Variants in NRXN3 observed in about 807,000 individuals in gnomAD.
NRXN3 encodes neurexin 3.
A neutral mutation model predicts 137.6 loss-of-function variants in NRXN3; 32 were observed. That is an observed-to-expected ratio of 0.23 (90% CI 0.18 to 0.31). The LOEUF is 0.31. NRXN3 is among the 10% of genes least tolerant of loss of function. The pLI, the probability that NRXN3 is intolerant of heterozygous loss-of-function variation, is 1.00. For missense variants in NRXN3, 1,574 were observed against 2,062.5 expected (o/e 0.76, Z 4.59); for synonymous variants, 798 against 784.5 (o/e 1.02, Z -0.29).
chr14:79,407,496 G>A (rs1213484781), intron 15 of NRXN3, among the ~76,000 whole-genome samples: 1 of 152,030 alleles, frequency 6.6e-6, no homozygotes, highest in Non-Finnish European at 1.5e-5. Context: ...TAACTGTTTG[G>A]GTTTAAATGA....
intron 4 of NRXN3, chr14:78,526,705 A>C (rs1220403114): frequency 3.9e-6 from 2 of 512,718 alleles, no homozygotes; most frequent in Non-Finnish European, 7.8e-6. Flanking sequence ...ACTTTCGTGC[A>C]TTATTATCTT....
intron 16 of NRXN3, among the ~76,000 whole-genome samples, chr14:79,522,700 C>A (rs1475148168): frequency 1.3e-5 from 2 of 152,108 alleles, no homozygotes; most frequent in Non-Finnish European, 2.9e-5. Flanking sequence ...CATTTCCTTC[C>A]TTAGCTGTTC....
chr14:78,566,243 G>A (rs370460863), intron 4 of NRXN3, among the ~76,000 whole-genome samples: 4 of 152,102 alleles, frequency 2.6e-5, no homozygotes, highest in African/African-American at 7.2e-5. Context: ...AGCCCAGAAG[G>A]GCCAAATGGT....
intron 4 of NRXN3, among the ~76,000 whole-genome samples, chr14:78,604,394 CT>C (rs1233041922): frequency 6.6e-6 from 1 of 151,392 alleles, no homozygotes; most frequent in African/African-American, 2.4e-5. Context: ...TCCCTAAATA[CT>C]TACGGTATCA....
At chr14:79,387,702 G>A (rs568313457) in intron 15 of NRXN3, among the ~76,000 whole-genome samples, 1 of 151,674 alleles carries the variant, frequency 6.6e-6, no homozygotes, top group Non-Finnish European at 1.5e-5. Context: ...TTGGAACCAA[G>A]CCAAATGTCC....
intron 10 of NRXN3, among the ~76,000 whole-genome samples, chr14:78,884,133 G>T (rs1212287852): frequency 6.6e-6 from 1 of 151,956 alleles, no homozygotes; most frequent in Non-Finnish European, 1.5e-5. Flanking sequence ...TCTCCTAATG[G>T]TTTCTAATTG....
intron 10 of NRXN3, among the ~76,000 whole-genome samples, chr14:78,956,136 A>G (rs558868212): frequency 6.6e-6 from 1 of 152,228 alleles, no homozygotes; most frequent in South Asian, 2.1e-4. Context: ...TTTCCTAGTC[A>G]TTTTCAGGAA....
At chr14:79,762,762 A>G (rs1015769945) in intron 19 of NRXN3, among the ~76,000 whole-genome samples, 2 of 151,618 alleles carry the variant, frequency 1.3e-5, no homozygotes, top group African/African-American at 4.9e-5. Context: ...TGTAGTGGCT[A>G]TTTTTCATCT....
At chr14:78,240,601 A>T (rs2066959174) in intron 1 of NRXN3, among the ~76,000 whole-genome samples, 1 of 152,026 alleles carries the variant, frequency 6.6e-6, no homozygotes, top group Non-Finnish European at 1.5e-5. Context: ...GTTAAAACCC[A>T]TTTCTCATTT....
Position 78,243,707 on chromosome 14 carries a change from G to T in NRXN3, c.614G>T (p.Arg205Leu), listed in dbSNP as rs780219523. 6.3e-7 allele frequency: 1 copy of T among 1,598,378 alleles called. No homozygotes were observed. The highest frequency in any genetic ancestry group is 8.5e-7 in the Non-Finnish European group (1 of 1,179,778). Reference protein sequence around the residue: ...QMDAEGPCGERPCENGGICFL... With the variant: ...QMDAEGPCGELPCENGGICFL... ...GATGCCGAGGGACCCTGTGGTGAGCGTCCCTGTGAAAATGGTGGGATCTGC... is the reference window on the plus strand; with the variant it reads ...GATGCCGAGGGACCCTGTGGTGAGCTTCCCTGTGAAAATGGTGGGATCTGC... Residue 205 changes from arginine (R) to leucine (L), a missense_variant, in exon 2 of 21, where the codon CGT becomes CTT. Around this residue, in one of 5 missense-constraint regions of NRXN3, gnomAD observed 400 missense variants for 527.3 expected, o/e 0.76. Transcript: ENST00000335750. This position sits in a 1 kb window ranked among gnomAD's most constrained non-coding sequence, Gnocchi z 4.2.
chr14:78,805,382 A>C (rs1351135876), intron 9 of NRXN3, among the ~76,000 whole-genome samples: 1 of 152,016 alleles, frequency 6.6e-6, no homozygotes, highest in Non-Finnish European at 1.5e-5. Flanking sequence ...ATGGTAAATC[A>C]AAAGATGGTA....
At position 78,405,615 on chromosome 14, in the gene NRXN3, G is replaced by GGGT. The variant is rs74393668; in HGVS notation, c.757+107757_757+107758insTGG. Among the ~76,000 whole-genome samples, 287 of 144,316 alleles carry GGGT rather than the reference G, an allele frequency of 2.0e-3. 2 individuals carry two copies. The highest frequency in any genetic ancestry group is 8.7e-3 in the South Asian group (35 of 4,018). The allele number at this position is 144,316 out of a possible 152,430, so 94.7% of individuals were successfully genotyped here. A position where few individuals can be genotyped will look rare whatever the true frequency, so the allele number is the denominator to read the frequency against. On this transcript the variant is annotated intron_variant, in intron 4 of 20. Coordinates refer to ENST00000335750, the MANE Select transcript of NRXN3 (RefSeq NM_001330195.2). ...TAGAGTGGATGCTGGGGAAGGGGCG[G>GGGT]GGGGGTTCCGGGTATCTGATGAATT...
At chr14:79,251,739 A>G (rs1476633447) in intron 15 of NRXN3, among the ~76,000 whole-genome samples, 2 of 152,074 alleles carry the variant, frequency 1.3e-5, no homozygotes, top group African/African-American at 4.8e-5. Flanking sequence ...CTAATGGGAT[A>G]TTTGAAAATG....
chr14:78,598,751 C>T (rs530707817), intron 4 of NRXN3, among the ~76,000 whole-genome samples: 10 of 152,294 alleles, frequency 6.6e-5, no homozygotes, highest in Non-Finnish European at 1.3e-4. Flanking sequence ...CGGTAATTGG[C>T]TAAGGTTTGC....
chr14:78,656,294 G>A (rs1175280007), intron 6 of NRXN3, among the ~76,000 whole-genome samples: 1 of 152,140 alleles, frequency 6.6e-6, no homozygotes, highest in African/African-American at 2.4e-5. Flanking sequence ...GGCTGCTGAG[G>A]AGAAGGACCT....
chr14:79,485,623 G>A (rs996380291), intron 16 of NRXN3, among the ~76,000 whole-genome samples: 1 of 152,026 alleles, frequency 6.6e-6, no homozygotes, highest in African/African-American at 2.4e-5. Flanking sequence ...TAGCTTCTCT[G>A]ATATTTTAAT....
intron 15 of NRXN3, among the ~76,000 whole-genome samples, chr14:78,995,980 GC>G (rs2099529232): frequency 6.6e-6 from 1 of 151,858 alleles, no homozygotes; most frequent in African/African-American, 2.4e-5. Context: ...TGTACTCTGG[GC>G]CCCCGCTAAC....
At chr14:78,332,685 A>G (rs941892114) in intron 4 of NRXN3, among the ~76,000 whole-genome samples, 1 of 152,182 alleles carries the variant, frequency 6.6e-6, no homozygotes, top group Non-Finnish European at 1.5e-5. Context: ...TTTAAGTGTC[A>G]TCTAACCCAA....
Position 79,663,888 on chromosome 14 carries a change from G to A in NRXN3, c.3555G>A (p.Arg1185=), listed in dbSNP as rs753994527. 1 of 1,613,574 alleles carries A rather than the reference G, an allele frequency of 6.2e-7. No individual in the cohort carries two copies. Among genetic ancestry groups the A allele is most frequent in the Admixed American group, 1.7e-5 (1 of 59,940 alleles). ...DGKYHVVRFT[R]NGGNATLQVD... ...AATACCATGTGGTACGCTTCACCAG[G>A]AACGGCGGCAACGCCACCCTGCAGG... The change falls in exon 17 of 21, where the codon AGG becomes AGA. Residue 1185 remains arginine (R), a synonymous_variant. Transcript: ENST00000335750.
Sources: gnomAD v4.1 joint callset for allele counts (sites outside exome capture counted in the v4.1 genomes callset) on GRCh38, gnomAD v4.1.1 for gene constraint, gnomAD v4.1.1 regional missense constraint, Gnocchi (gnomAD v3.1) non-coding constraint, MANE v1.5 for transcripts, NCBI Gene and HGNC (gene_info 2026-07-23, HGNC 2026-07-21) for gene names.